VPS35L: variants seen among roughly 807,000 people sequenced by gnomAD.
VPS35L encodes VPS35 endosomal protein-sorting factor-like.
VPS35L carries 83 observed loss-of-function variants against 133.0 expected under a neutral mutation model. The observed-to-expected ratio is 0.62, with a 90% CI of 0.52 to 0.75. The LOEUF (loss-of-function observed/expected upper bound fraction) is 0.75, where lower values mean the gene tolerates loss of function less well. Ranked by LOEUF, VPS35L falls within the 30% of genes least tolerant of loss-of-function variation. The pLI is 0.00. For synonymous variants in VPS35L, 423 were observed against 449.9 expected, an observed-to-expected ratio of 0.94 and a Z score of 0.76; for missense variants, 1,083 against 1,206.8, an observed-to-expected ratio of 0.90 and a Z score of 1.52.
At chr16:19,688,476 C>T (rs1014742998) in intron 28 of VPS35L, among the ~76,000 whole-genome samples, 1 of 152,132 alleles carries the variant, frequency 6.6e-6, no homozygotes, top group Admixed American at 6.5e-5. Flanking sequence ...CACTTGTGGC[C>T]GCGTGTACAC....
intron 27 of VPS35L, among the ~76,000 whole-genome samples, chr16:19,674,952 TTTC>T (rs1168006239): frequency 3.6e-5 from 5 of 140,072 alleles, no homozygotes; most frequent in African/African-American, 1.3e-4. Context: ...TTTTCTTTTC[TTTC>T]TTTTTTTTTT....
intron 28 of VPS35L, among the ~76,000 whole-genome samples, chr16:19,685,093 A>G (rs1406805319): frequency 2.0e-5 from 3 of 152,010 alleles, no homozygotes; most frequent in Non-Finnish European, 4.4e-5. Context: ...AGTGTATTAT[A>G]TAACATATAT....
intron 27 of VPS35L, among the ~76,000 whole-genome samples, chr16:19,674,301 C>G (rs1177216034): frequency 6.9e-6 from 1 of 143,914 alleles, no homozygotes; most frequent in Non-Finnish European, 1.5e-5. Context: ...AAGCAATTCT[C>G]GTGCCTCAGT....
At chr16:19,557,653 G>T (rs1363693276) in intron 1 of VPS35L, among the ~76,000 whole-genome samples, 2 of 152,096 alleles carry the variant, frequency 1.3e-5, no homozygotes, top group Non-Finnish European at 2.9e-5. Flanking sequence ...AAAGTGCTGG[G>T]ATTACAGGCG....
At chr16:19,698,318 G>T (rs545059518) in intron 29 of VPS35L, among the ~76,000 whole-genome samples, 3 of 152,198 alleles carry the variant, frequency 2.0e-5, no homozygotes, top group African/African-American at 7.2e-5. Flanking sequence ...TTCTCCTCAT[G>T]CCTTGAATCT....
At chr16:19,646,927 C>T (rs575973658) in intron 23 of VPS35L, among the ~76,000 whole-genome samples, 2 of 152,290 alleles carry the variant, frequency 1.3e-5, no homozygotes, top group African/African-American at 4.8e-5. Flanking sequence ...TAAGCCAAAA[C>T]ACCAACTGCT....
At chr16:19,651,868 A>AT in intron 25 of VPS35L, 108 bp from the exon 26 acceptor site, 1 of 818,218 alleles carries the variant, frequency 1.2e-6, no homozygotes, top group Middle Eastern at 2.2e-4. Context: ...GAATGTGGAG[A>AT]TTCACTGTTG....
intron 27 of VPS35L, among the ~76,000 whole-genome samples, chr16:19,679,511 ATTTATTTT>A (rs201408970): frequency 0.032 from 3,497 of 108,986 alleles, 72 homozygotes; most frequent in Admixed American, 0.076. Flanking sequence ...TTATTTATTT[ATTTATTTT>A]TTTGGAGACA....
chr16:19,640,118 C>T lies in VPS35L; in HGVS notation c.1784+18C>T. The T allele has an allele frequency of 6.2e-7, 1 of 1,603,556 alleles. No individual in the cohort carries two copies. The highest frequency in any genetic ancestry group is 1.1e-5 in the South Asian group (1 of 90,374). ...TTTATCAAGTGAGTGCCACTGCGTG[C>T]AGCAGAAGCCTTGATTCCCAATGTC... On this transcript the variant is annotated intron_variant, in intron 21 of 30. Transcript: ENST00000417362.
chr16:19,561,784 A>T (rs1038989382), intron 1 of VPS35L, among the ~76,000 whole-genome samples: 2 of 152,086 alleles, frequency 1.3e-5, no homozygotes, highest in African/African-American at 4.8e-5. Flanking sequence ...ATATTTTACA[A>T]ATGAGAAGTG....
chr16:19,601,747 G>T (rs1256749595), intron 9 of VPS35L, 24 bp downstream of exon 9: 1 of 1,611,878 alleles, frequency 6.2e-7, no homozygotes, highest in Non-Finnish European at 8.5e-7. Flanking sequence ...TGTTCCTGGG[G>T]TGTCATTCTG....
chr16:19,559,387 C>T (rs1970957534), intron 1 of VPS35L, among the ~76,000 whole-genome samples: 1 of 152,118 alleles, frequency 6.6e-6, no homozygotes, highest in Non-Finnish European at 1.5e-5. Context: ...GAAATGGTGG[C>T]CTTTTTTCCT....
At chr16:19,557,030 G>A (rs1189695064) in intron 1 of VPS35L, among the ~76,000 whole-genome samples, 2 of 152,108 alleles carry the variant, frequency 1.3e-5, no homozygotes. Context: ...TACTTGGGAG[G>A]GTGAGGCAGG....
chr16:19,662,308 C>G (rs1168943114), intron 26 of VPS35L, among the ~76,000 whole-genome samples: 1 of 151,942 alleles, frequency 6.6e-6, no homozygotes, highest in African/African-American at 2.4e-5. Flanking sequence ...GGTTCGAGAC[C>G]TGCCTGGCCA....
At chr16:19,645,254 G>A (rs1466326753) in intron 23 of VPS35L, among the ~76,000 whole-genome samples, 8 of 151,720 alleles carry the variant, frequency 5.3e-5, no homozygotes, top group Non-Finnish European at 7.4e-5. Flanking sequence ...CAGGGTCTCC[G>A]GGATGTCATC....
At chr16:19,643,701 T>C (rs1973854393) in intron 22 of VPS35L, among the ~76,000 whole-genome samples, 1 of 152,094 alleles carries the variant, frequency 6.6e-6, no homozygotes, top group Admixed American at 6.6e-5. Context: ...ATCCCAGCAC[T>C]TTAAGAGGCC....
intron 14 of VPS35L, chr16:19,617,109 A>T: frequency 1.7e-6 from 1 of 586,716 alleles, no homozygotes. Flanking sequence ...TAATCCCAGC[A>T]CTTTGCAAGG....
At chr16:19,569,372 A>C (rs1971287682) in intron 2 of VPS35L, 52 bp from the exon 3 acceptor site, 2 of 1,591,944 alleles carry the variant, frequency 1.3e-6, no homozygotes, top group Non-Finnish European at 1.7e-6. Flanking sequence ...GGAGTGTTTC[A>C]CTGGAGAGAG....
rs9923394 is a variant in VPS35L at position 19,649,667 on chromosome 16, C to T, written c.2029-715C>T. Among the ~76,000 whole-genome samples the T allele has an allele frequency of 5.8e-3, 885 of 152,296 alleles. 9 individuals are homozygous for T. The highest frequency in any genetic ancestry group is 0.02 in the African/African-American group (820 of 41,564). ...AGCACCCCAGGGTGCCATGGTGCAC[C>T]GTTTGGGAACCACAGGTCCAAACTT... On this transcript the variant is annotated intron_variant, in intron 24 of 30. Coordinates refer to ENST00000417362, the MANE Select transcript of VPS35L (RefSeq NM_020314.7).
Sources: gnomAD v4.1 joint callset for allele counts (sites outside exome capture counted in the v4.1 genomes callset) on GRCh38, gnomAD v4.1.1 for gene constraint, MANE v1.5 for transcripts, NCBI Gene and HGNC (gene_info 2026-07-23, HGNC 2026-07-21) for gene names.